The following SNX30 variants were observed in gnomAD, a reference collection of about 807,000 sequenced individuals.
SNX30 encodes the protein sorting nexin family member 30, also known as sorting nexin-30.
SNX30 carries 24 observed loss-of-function variants against 46.4 expected under a neutral mutation model. The observed-to-expected ratio is 0.52, with a 90% CI of 0.37 to 0.73. The LOEUF (loss-of-function observed/expected upper bound fraction) is 0.73, where lower values mean the gene tolerates loss of function less well. SNX30 is among the 30% of genes least tolerant of loss of function. The pLI, the probability that SNX30 is intolerant of heterozygous loss-of-function variation, is 0.00. For missense variants in SNX30, 533 were observed against 555.7 expected (o/e 0.96, Z 0.41); for synonymous variants, 189 against 211.5 (o/e 0.89, Z 0.92).
chr9:112,875,433 C>T (rs1250201308), downstream of SNX30: 1 of 152,202 alleles, frequency 6.6e-6, no homozygotes, highest in Non-Finnish European at 1.5e-5. Flanking sequence ...ACTTGACTTA[C>T]TTTAAGACTG....
intron 1 of SNX30, among the ~76,000 whole-genome samples, chr9:112,792,894 T>C (rs1010832123): frequency 3.4e-5 from 5 of 147,230 alleles, no homozygotes; most frequent in Admixed American, 6.8e-5. Context: ...TTTTTTTTTC[T>C]TTTTCTTTTA....
intron 1 of SNX30, among the ~76,000 whole-genome samples, chr9:112,797,893 T>TA (rs1554751804): frequency 2.1e-5 from 3 of 143,978 alleles, no homozygotes; most frequent in Admixed American, 6.9e-5. Context: ...TTTTTTTTTT[T>TA]AGTAGAGACG....
intron 3 of SNX30, among the ~76,000 whole-genome samples, chr9:112,818,772 G>GTGTATGT (rs1383752649): frequency 2.6e-5 from 4 of 152,170 alleles, no homozygotes; most frequent in African/African-American, 9.7e-5. Flanking sequence ...AGAAGAGGCT[G>GTGTATGT]TGTATGTTGT....
intron 3 of SNX30, among the ~76,000 whole-genome samples, chr9:112,827,042 T>C (rs1840588708): frequency 6.6e-6 from 1 of 152,224 alleles, no homozygotes; most frequent in African/African-American, 2.4e-5. Context: ...TTCTTTCATT[T>C]ACAAACCTTT....
At chr9:112,779,178 A>C (rs1037164574) in intron 1 of SNX30, among the ~76,000 whole-genome samples, 4 of 152,190 alleles carry the variant, frequency 2.6e-5, no homozygotes, top group African/African-American at 9.6e-5. Flanking sequence ...CTTGCCTGTG[A>C]GGGCTCTAGC....
At chr9:112,854,351 A>G (rs1391789106) in intron 7 of SNX30, among the ~76,000 whole-genome samples, 1 of 152,132 alleles carries the variant, frequency 6.6e-6, no homozygotes, top group Non-Finnish European at 1.5e-5. Flanking sequence ...TGCTGTGGAA[A>G]TCTTTGGCTG....
chr9:112,822,536 GTTTTGTT>G (rs112889695), intron 3 of SNX30, among the ~76,000 whole-genome samples: 6 of 123,702 alleles, frequency 4.9e-5, no homozygotes, highest in Admixed American at 2.6e-4. Context: ...TTGCTGTTTT[GTTTTGTT>G]TTTTTTTTTT....
At chr9:112,774,007 T>G (rs570829659) in intron 1 of SNX30, among the ~76,000 whole-genome samples, 1 of 152,248 alleles carries the variant, frequency 6.6e-6, no homozygotes, top group Admixed American at 6.5e-5. Flanking sequence ...AAGAAAGGTT[T>G]ATTTCACTGG....
intron 6 of SNX30, among the ~76,000 whole-genome samples, chr9:112,847,497 T>C (rs1840958086): frequency 6.6e-6 from 1 of 152,138 alleles, no homozygotes. Context: ...AAATATCCAG[T>C]TAGTGTTCAA....
intron 1 of SNX30, among the ~76,000 whole-genome samples, chr9:112,784,828 G>T (rs567810720): frequency 3.5e-4 from 54 of 152,266 alleles, no homozygotes; most frequent in African/African-American, 1.2e-3. Context: ...TCGGAGAACA[G>T]AATTATTCTG....
At chr9:112,808,395 A>G (rs1029300961) in intron 2 of SNX30, among the ~76,000 whole-genome samples, 4 of 152,262 alleles carry the variant, frequency 2.6e-5, no homozygotes, top group Non-Finnish European at 4.4e-5. Context: ...GCAAAGAATT[A>G]TCCACCCAAA....
intron 1 of SNX30, among the ~76,000 whole-genome samples, chr9:112,784,357 C>T (rs575626969): frequency 1.2e-4 from 19 of 152,296 alleles, no homozygotes; most frequent in African/African-American, 4.6e-4. Context: ...TTGCAGCTTG[C>T]TGCTTAACAG....
intron 1 of SNX30, among the ~76,000 whole-genome samples, chr9:112,758,873 A>G (rs1334525253): frequency 6.6e-6 from 1 of 151,874 alleles, no homozygotes; most frequent in Non-Finnish European, 1.5e-5. Context: ...ACACACACAT[A>G]CACACACAAT....
At chr9:112,885,157 T>C (rs13440290), downstream of SNX30, 1 of 152,128 alleles carries the variant, frequency 6.6e-6, no homozygotes, top group Non-Finnish European at 1.5e-5. Flanking sequence ...TTCTCAATTA[T>C]GAAATAATGC....
intron 7 of SNX30, among the ~76,000 whole-genome samples, chr9:112,858,439 T>G (rs1841170516): frequency 6.6e-6 from 1 of 152,040 alleles, no homozygotes; most frequent in Admixed American, 6.6e-5. Flanking sequence ...CGCTTGAACT[T>G]GGGAGATTGA....
At chr9:112,787,477 C>T (rs1839948257) in intron 1 of SNX30, among the ~76,000 whole-genome samples, 1 of 152,124 alleles carries the variant, frequency 6.6e-6, no homozygotes, top group Non-Finnish European at 1.5e-5. Flanking sequence ...TGTGGAAGTA[C>T]TATACTAGAG....
Position 112,838,600 on chromosome 9 carries a change from G to C in SNX30, c.917G>C (p.Gly306Ala). Residue 306 changes from glycine (G) to alanine (A), a missense_variant, in exon 6 of 9, where the codon GGG becomes GCG. Coordinates refer to ENST00000374232, the MANE Select transcript of SNX30 (RefSeq NM_001012994.2). Reference protein sequence around the residue: ...EPLEGVSACIGNCSTALEELT... With the variant: ...EPLEGVSACIANCSTALEELT... ...CTGGAGGGTGTGTCAGCTTGCATTG[G>C]GAACTGCTCTACAGCCTTAGAAGAG... The C allele has an allele frequency of 6.2e-7, 1 of 1,614,198 alleles. No homozygotes were observed. Among genetic ancestry groups the C allele is most frequent in the Admixed American group, 1.7e-5 (1 of 60,026 alleles).
chr9:112,779,032 A>G (rs573822009), intron 1 of SNX30, among the ~76,000 whole-genome samples: 91 of 152,250 alleles, frequency 6.0e-4, no homozygotes, highest in Non-Finnish European at 1.1e-3. Context: ...TGAGTAAGGC[A>G]TCCCATACAA....
chr9:112,753,162 C>G (rs1349895033), intron 1 of SNX30, among the ~76,000 whole-genome samples: 1 of 152,152 alleles, frequency 6.6e-6, no homozygotes, highest in African/African-American at 2.4e-5. Flanking sequence ...CTGGCTACTA[C>G]AGATAGCCAT....
Sources: allele counts gnomAD v4.1 joint callset (sites outside exome capture counted in the v4.1 genomes callset), GRCh38; gene constraint gnomAD v4.1.1; transcripts MANE v1.5; gene names NCBI Gene and HGNC (gene_info 2026-07-23, HGNC 2026-07-21).